CFAP47: variants seen among roughly 807,000 people sequenced by gnomAD.
CFAP47 encodes the protein cilia and flagella associated protein 47.
A neutral mutation model predicts 148.1 loss-of-function variants in CFAP47; 29 were observed. The ratio of observed to expected loss-of-function variants is 0.20; its 90% CI spans 0.15 to 0.27. The LOEUF (loss-of-function observed/expected upper bound fraction) is 0.27. Ranked by LOEUF, CFAP47 falls within the 10% of genes least tolerant of loss-of-function variation. The pLI is 1.00. For missense variants in CFAP47, 1,872 were observed against 1,697.5 expected, an observed-to-expected ratio of 1.10 and a Z score of -1.81; for synonymous variants, 664 against 577.3, an observed-to-expected ratio of 1.15 and a Z score of -2.15.
intron 26 of CFAP47, among the ~76,000 whole-genome samples, chrX:36,056,711 T>C (rs750784040): frequency 2.7e-5 from 3 of 112,751 alleles, no homozygotes; most frequent in South Asian, 7.3e-4. Flanking sequence ...TGTGAAATGC[T>C]ATCAGCTACC....
Position 36,176,764 on chromosome X carries a change from G to A in CFAP47, c.6027-2581G>A, listed in dbSNP as rs770770972. Reference sequence around the variant, plus strand: ...ACAAAAATTCAAAAAAATTAGCCGCGCATGGTGGCATGCACCTGTAATCCC... The same window carrying A: ...ACAAAAATTCAAAAAAATTAGCCGCACATGGTGGCATGCACCTGTAATCCC... On this transcript the variant is annotated intron_variant, in intron 39 of 63. Coordinates refer to ENST00000378653, the MANE Select transcript of CFAP47 (RefSeq NM_001304548.2). Among the ~76,000 whole-genome samples, 8 of 111,741 alleles carry A rather than the reference G, an allele frequency of 7.2e-5. No homozygotes were observed. In the South Asian group the frequency reaches 1.1e-3, roughly 16 times the overall value.
At chrX:36,120,080 C>A (rs765567862) in intron 33 of CFAP47, among the ~76,000 whole-genome samples, 1 of 108,934 alleles carries the variant, frequency 9.2e-6, no homozygotes, top group Non-Finnish European at 1.9e-5. Flanking sequence ...ACTGCAAGCT[C>A]CGCCTCCCAG....
chrX:36,257,984 CAAGT>C lies in CFAP47; in HGVS notation c.7444+6548_7444+6551del, dbSNP rs1555999287. ...ACTGTTAGTAGCCTGGTAGCTGCAG[CAAGT>C]AAGTAAGAATGATCAATTTTGATTT... On this transcript the variant is annotated intron_variant, in intron 49 of 63. Coordinates refer to ENST00000378653, the MANE Select transcript of CFAP47 (RefSeq NM_001304548.2). Among the ~76,000 whole-genome samples, 3 of 111,964 alleles carry C rather than the reference CAAGT, an allele frequency of 2.7e-5. No homozygotes were observed. The South Asian group carries it at 1.1e-3, about 41-fold the overall frequency.
intron 57 of CFAP47, among the ~76,000 whole-genome samples, chrX:36,331,321 A>AT (rs1356093445): frequency 5.4e-5 from 6 of 111,032 alleles, no homozygotes; most frequent in Non-Finnish European, 1.1e-4. Flanking sequence ...CTTATATGCC[A>AT]TCATAACTCT....
At chrX:36,305,893 T>C in intron 54 of CFAP47, among the ~76,000 whole-genome samples, 1 of 111,652 alleles carries the variant, frequency 9.0e-6, no homozygotes, top group African/African-American at 3.2e-5. Context: ...GTAGATAAGC[T>C]ACAATTGTGT....
chrX:35,975,358 T>C lies in CFAP47; in HGVS notation c.2466T>C (p.Phe822=). 8.7e-7 allele frequency: 1 copy of C among 1,147,277 alleles called. No individual in the cohort carries two copies. The highest frequency in any genetic ancestry group is 1.2e-6 in the Non-Finnish European group (1 of 843,474). 94.5% of individuals were successfully genotyped at this position (1,147,277 alleles called of 1,213,427 possible). A position where few individuals can be genotyped will look rare whatever the true frequency, so the allele number is the denominator to read the frequency against. The change falls in exon 14 of 64, where the codon TTT becomes TTC. Residue 822 remains phenylalanine (F), a synonymous_variant. Transcript: ENST00000378653. ...MVFDSPTIGK[F]WKSFTFTVNN... ...TTGACTCTCCCACCATTGGAAAATT[T>C]TGGAAGTAGGGATTATTTTTGAATT...
chrX:36,252,365 A>T (rs1940702763), intron 49 of CFAP47, among the ~76,000 whole-genome samples: 1 of 109,600 alleles, frequency 9.1e-6, no homozygotes, highest in African/African-American at 3.3e-5. Flanking sequence ...TGCTATTAAA[A>T]AGCAGAAGGG....
rs186272721 is a variant in CFAP47 at position 35,925,307 on chromosome X, G to A, written c.250-710G>A. ...GAGAATGGCGTGAACCCCAGGGGGC[G>A]GAGCTTGCAGTGAGCAGAGATCACG... On this transcript the variant is annotated intron_variant, in intron 1 of 63. Transcript: ENST00000378653. Among the ~76,000 whole-genome samples, 38 of 110,655 alleles carry A rather than the reference G, an allele frequency of 3.4e-4. No homozygotes were observed. The East Asian group carries it at 4.0e-3, about 12-fold the overall frequency.
At chrX:36,023,662 C>T (rs1937184902) in intron 22 of CFAP47, among the ~76,000 whole-genome samples, 1 of 112,456 alleles carries the variant, frequency 8.9e-6, no homozygotes, top group Non-Finnish European at 1.9e-5. Context: ...AGCTAGCACA[C>T]AGACCACAAG....
intron 30 of CFAP47, among the ~76,000 whole-genome samples, chrX:36,098,350 A>G (rs1247995889): frequency 9.0e-6 from 1 of 111,244 alleles, no homozygotes; most frequent in Non-Finnish European, 1.9e-5. Context: ...TTCCTGTATC[A>G]TCTTGATTCT....
chrX:36,262,391 G>A (rs1429440569), intron 49 of CFAP47, among the ~76,000 whole-genome samples: 1 of 111,092 alleles, frequency 9.0e-6, no homozygotes, highest in Non-Finnish European at 1.9e-5. Flanking sequence ...CCAGCCTCTG[G>A]TAACCATCCT....
chrX:36,374,363 A>G (rs1276468867), intron 62 of CFAP47, among the ~76,000 whole-genome samples: 5 of 110,478 alleles, frequency 4.5e-5, no homozygotes, highest in Admixed American at 1.9e-4. Context: ...GTTCCTTTAT[A>G]TTTCTGAGAA....
chrX:36,177,277 A>G (rs956552568), intron 39 of CFAP47, among the ~76,000 whole-genome samples: 9 of 112,402 alleles, frequency 8.0e-5, no homozygotes, highest in Non-Finnish European at 1.5e-4. Context: ...ACAGTGTATA[A>G]AAATATGATA....
chrX:36,123,642 G>A (rs776849365), intron 33 of CFAP47, among the ~76,000 whole-genome samples: 9 of 110,406 alleles, frequency 8.2e-5, no homozygotes, highest in African/African-American at 3.0e-4. Flanking sequence ...CAGTAAGCTT[G>A]TAGTAACTTC....
chrX:36,195,504 G>A (rs1297814558), intron 42 of CFAP47, among the ~76,000 whole-genome samples: 2 of 111,878 alleles, frequency 1.8e-5, no homozygotes, highest in East Asian at 5.6e-4. Context: ...GGAATCCAGT[G>A]GAAGAATAGG....
rs750238338 is a variant in CFAP47, at chrX:36,068,661, G to A, written c.4318+2918G>A. On this transcript the variant is annotated intron_variant, in intron 27 of 63. Coordinates refer to ENST00000378653, the MANE Select transcript of CFAP47 (RefSeq NM_001304548.2). ...TTAACACACATTGTCAAAATGTAAA[G>A]ATTTTTTTTTTTTTGGCCGGGCGCA... 2.1e-4 allele frequency among the ~76,000 whole-genome samples: 23 copies of A among 110,045 alleles called. No individual in the cohort carries two copies. In the East Asian group the frequency reaches 6.6e-3, roughly 31 times the overall value.
chrX:36,182,902 A>G (rs1453312538), intron 40 of CFAP47, among the ~76,000 whole-genome samples: 1 of 112,661 alleles, frequency 8.9e-6, no homozygotes. Context: ...TATTTGGCCA[A>G]TGGTATGTGA....
intron 42 of CFAP47, among the ~76,000 whole-genome samples, chrX:36,200,010 C>G (rs1939962348): frequency 1.8e-5 from 2 of 111,950 alleles, no homozygotes; most frequent in South Asian, 7.3e-4. Context: ...ACTCAGATGC[C>G]TGGCAAAACT....
chrX:35,951,653 C>A, intron 5 of CFAP47, 150 bp from the exon 6 acceptor site: 1 of 654,950 alleles, frequency 1.5e-6, no homozygotes, highest in Non-Finnish European at 2.1e-6. Context: ...GTATGATGTG[C>A]CTTGGTCAAA....
Sources: allele counts gnomAD v4.1 joint callset (sites outside exome capture counted in the v4.1 genomes callset), GRCh38; gene constraint gnomAD v4.1.1; transcripts MANE v1.5; gene names NCBI Gene and HGNC (gene_info 2026-07-23, HGNC 2026-07-21).